Variants in TOPAZ1 observed in about 807,000 individuals in gnomAD.
The protein encoded by TOPAZ1 is testis and ovary specific TOPAZ 1.
TOPAZ1 carries 66 observed loss-of-function variants against 172.2 expected under a neutral mutation model. That is an observed-to-expected ratio of 0.38 (90% CI 0.31 to 0.47). The LOEUF (loss-of-function observed/expected upper bound fraction) is 0.47. TOPAZ1 is among the 20% of genes least tolerant of loss of function. The pLI is 0.99. For synonymous variants in TOPAZ1, 681 were observed against 683.9 expected, an observed-to-expected ratio of 1.00 and a Z score of 0.07; for missense variants, 1,822 against 1,972.4, an observed-to-expected ratio of 0.92 and a Z score of 1.44.
chr3:44,277,701 G>C (rs114130706), intron 8 of TOPAZ1, among the ~76,000 whole-genome samples: 5 of 152,138 alleles, frequency 3.3e-5, no homozygotes, highest in Non-Finnish European at 5.9e-5. Flanking sequence ...TGGGTGATGG[G>C]GGTGGATCCT....
intron 8 of TOPAZ1, 109 bp from the exon 9 acceptor site, chr3:44,281,859 T>G: frequency 3.0e-5 from 19 of 637,622 alleles, no homozygotes; most frequent in East Asian, 1.2e-4. Context: ...TCCAATCCTT[T>G]GAGATCATTT....
chr3:44,314,978 C>A (rs989641144), intron 16 of TOPAZ1, among the ~76,000 whole-genome samples: 2 of 152,182 alleles, frequency 1.3e-5, no homozygotes, highest in Non-Finnish European at 2.9e-5. Context: ...GTCGCTCCCC[C>A]ACTGCGTTCT....
intron 9 of TOPAZ1, among the ~76,000 whole-genome samples, chr3:44,284,783 G>T (rs1433111401): frequency 6.6e-6 from 1 of 152,136 alleles, no homozygotes. Flanking sequence ...ATAGCAATTA[G>T]CAATTCAGTA....
intron 5 of TOPAZ1, among the ~76,000 whole-genome samples, chr3:44,263,998 T>C (rs1476598153): frequency 6.6e-6 from 1 of 152,236 alleles, no homozygotes; most frequent in African/African-American, 2.4e-5. Context: ...AATGCCTTTA[T>C]AGGCTTATTG....
intron 14 of TOPAZ1, among the ~76,000 whole-genome samples, chr3:44,306,000 T>C (rs2125700067): frequency 6.6e-6 from 1 of 152,324 alleles, no homozygotes; most frequent in Middle Eastern, 3.4e-3. Context: ...GTCTATATAG[T>C]TTTGAATTTG....
chr3:44,271,600 ATT>A (rs200046196), intron 8 of TOPAZ1, among the ~76,000 whole-genome samples: 1,738 of 152,056 alleles, frequency 0.011, 36 homozygotes, highest in African/African-American at 0.04. Context: ...CACCTTTTGT[ATT>A]TTGTTTTAAT....
chr3:44,254,527 T>C (rs983429488), intron 2 of TOPAZ1, among the ~76,000 whole-genome samples: 3 of 149,408 alleles, frequency 2.0e-5, no homozygotes, highest in Non-Finnish European at 4.4e-5. Context: ...CTCAGGAGGC[T>C]GAGGCAGTAG....
At chr3:44,310,197 T>C (rs919781463) in intron 16 of TOPAZ1, among the ~76,000 whole-genome samples, 3 of 152,200 alleles carry the variant, frequency 2.0e-5, no homozygotes, top group Non-Finnish European at 2.9e-5. Flanking sequence ...CCTTTGTTCA[T>C]TTAAAAACTA....
intron 6 of TOPAZ1, among the ~76,000 whole-genome samples, chr3:44,267,619 C>T (rs977036436): frequency 6.6e-6 from 1 of 151,962 alleles, no homozygotes; most frequent in African/African-American, 2.4e-5. Flanking sequence ...GATGGAACAA[C>T]GTGTGAAATA....
chr3:44,280,155 T>G (rs1700006594), intron 8 of TOPAZ1, among the ~76,000 whole-genome samples: 1 of 152,140 alleles, frequency 6.6e-6, no homozygotes, highest in Admixed American at 6.5e-5. Context: ...TATCCATATT[T>G]TCTTTTAGCA....
chr3:44,302,789 G>T (rs548127692), intron 12 of TOPAZ1, among the ~76,000 whole-genome samples: 26 of 151,950 alleles, frequency 1.7e-4, no homozygotes, highest in Admixed American at 1.7e-3. Context: ...TGTGAATGAG[G>T]TTTTCTGTAT....
intron 2 of TOPAZ1, among the ~76,000 whole-genome samples, chr3:44,252,033 A>G (rs967925701): frequency 5.3e-5 from 8 of 152,168 alleles, no homozygotes; most frequent in Non-Finnish European, 8.8e-5. Flanking sequence ...TGTTTCTTAC[A>G]AGAGTTTGCA....
intron 4 of TOPAZ1, among the ~76,000 whole-genome samples, chr3:44,256,973 A>G (rs968854390): frequency 6.6e-6 from 1 of 151,996 alleles, no homozygotes. Flanking sequence ...TACTTCCACT[A>G]TATGTGTATG....
At position 44,243,440 on chromosome 3, in the gene TOPAZ1, C is replaced by T. The variant is rs944167697; in HGVS notation, c.934C>T (p.Leu312Phe). The T allele has an allele frequency of 5.2e-6, 8 of 1,551,456 alleles. No individual in the cohort carries two copies. The African/African-American group carries it at 8.2e-5, about 16-fold the overall frequency. ...TAAAACCAATGGCTTGCTTTCCTGCCTTCAACATGAAAAAAATAAATATTC... is the reference window on the plus strand; with the variant it reads ...TAAAACCAATGGCTTGCTTTCCTGCTTTCAACATGAAAAAAATAAATATTC... Reference protein sequence around the residue: ...QSKTNGLLSCLQHEKNKYSIE... With the variant: ...QSKTNGLLSCFQHEKNKYSIE... Residue 312 changes from leucine (L) to phenylalanine (F), a missense_variant, in exon 2 of 20, where the codon CTT becomes TTT. By Grantham distance (22) the Leu-to-Phe change is conservative (BLOSUM62 0). Coordinates refer to ENST00000309765, the MANE Select transcript of TOPAZ1 (RefSeq NM_001145030.2).
chr3:44,278,316 G>A (rs145855172), intron 8 of TOPAZ1, among the ~76,000 whole-genome samples: 1 of 152,112 alleles, frequency 6.6e-6, no homozygotes, highest in Non-Finnish European at 1.5e-5. Context: ...GAGTTTATCA[G>A]GGGTATTGAC....
At chr3:44,290,089 T>C (rs908623123) in intron 11 of TOPAZ1, among the ~76,000 whole-genome samples, 1 of 152,164 alleles carries the variant, frequency 6.6e-6, no homozygotes, top group African/African-American at 2.4e-5. Context: ...GAGGATCATT[T>C]GAGCTGGGGC....
At chr3:44,331,717 G>T (rs1249974311) in intron 19 of TOPAZ1, 75 bp from the exon 20 acceptor site, 1 of 1,161,548 alleles carries the variant, frequency 8.6e-7, no homozygotes, top group African/African-American at 1.5e-5. Context: ...ACCAGTAAAT[G>T]TAAATGACTA....
chr3:44,252,511 C>A (rs1317594847), intron 2 of TOPAZ1, among the ~76,000 whole-genome samples: 1 of 152,150 alleles, frequency 6.6e-6, no homozygotes, highest in Non-Finnish European at 1.5e-5. Flanking sequence ...GGATCTGTAT[C>A]CATTTCCTGT....
chr3:44,281,879 A>G (rs926947286), intron 8 of TOPAZ1, 89 bp from the exon 9 acceptor site: 2 of 775,446 alleles, frequency 2.6e-6, no homozygotes, highest in South Asian at 2.2e-5. Flanking sequence ...TAAAAATTTC[A>G]ATATAAGCAA....
Sources: allele counts gnomAD v4.1 joint callset (sites outside exome capture counted in the v4.1 genomes callset), GRCh38; gene constraint gnomAD v4.1.1; transcripts MANE v1.5; gene names NCBI Gene and HGNC (gene_info 2026-07-23, HGNC 2026-07-21).